The following MYT1L variants were observed in gnomAD, a reference collection of about 807,000 sequenced individuals.
MYT1L encodes the protein myelin transcription factor 1 like, also known as myelin transcription factor 1-like protein.
MYT1L carries 12 observed loss-of-function variants against 126.7 expected under a neutral mutation model. The ratio of observed to expected loss-of-function variants is 0.09; its 90% confidence interval spans 0.06 to 0.15. MYT1L has a LOEUF of 0.15. MYT1L is among the 10% of genes least tolerant of loss of function. The probability of loss-of-function intolerance (pLI) is 1.00; values close to 1 mark genes in which losing one functional copy is unlikely to be tolerated. For missense variants in MYT1L, 979 were observed against 1,585.2 expected, an observed-to-expected ratio of 0.62 and a Z score of 6.49; for synonymous variants, 541 against 604.2, an observed-to-expected ratio of 0.90 and a Z score of 1.53.
intron 3 of MYT1L, among the ~76,000 whole-genome samples, chr2:2,098,529 G>T (rs942072188): frequency 1.3e-5 from 2 of 152,268 alleles, no homozygotes; most frequent in African/African-American, 4.8e-5. Flanking sequence ...AGAGGATTTG[G>T]CAATGTCTGG....
chr2:1,892,424 C>G (rs2049013025), intron 14 of MYT1L, 137 bp from the exon 15 acceptor site: 2 of 1,196,650 alleles, frequency 1.7e-6, no homozygotes, highest in Admixed American at 3.1e-5. Context: ...GGGGCTTACG[C>G]GTAAAGAAAA....
At chr2:1,933,970 T>A (rs997886532) in intron 9 of MYT1L, among the ~76,000 whole-genome samples, 1 of 127,040 alleles carries the variant, frequency 7.9e-6, no homozygotes, top group Non-Finnish European at 1.7e-5. Flanking sequence ...CTAATTTTGA[T>A]TTTTTTTTTT....
At chr2:2,151,636 A>C (rs2085802506) in intron 3 of MYT1L, among the ~76,000 whole-genome samples, 1 of 152,238 alleles carries the variant, frequency 6.6e-6, no homozygotes, top group African/African-American at 2.4e-5. Flanking sequence ...AAAATCTCGG[A>C]TAGTACCACA....
intron 4 of MYT1L, among the ~76,000 whole-genome samples, chr2:2,015,756 C>T (rs976797143): frequency 6.6e-5 from 10 of 152,172 alleles, no homozygotes; most frequent in Non-Finnish European, 1.2e-4. Context: ...CACTCTGCCC[C>T]GGGTTCCAGG....
chr2:2,215,556 G>A (rs1011173428), intron 2 of MYT1L, among the ~76,000 whole-genome samples: 1 of 152,146 alleles, frequency 6.6e-6, no homozygotes, highest in African/African-American at 2.4e-5. Context: ...GCACTACAAG[G>A]ATAAATAGAC....
At position 2,201,710 on chromosome 2, in the gene MYT1L, A is replaced by C. The variant is rs1219379670; in HGVS notation, c.-420-28722T>G. Among the ~76,000 whole-genome samples, 15 of 152,182 alleles carry C rather than the reference A, an allele frequency of 9.9e-5. 2 individuals carry two copies. The highest frequency in any genetic ancestry group is 3.4e-4 in the African/African-American group (14 of 41,512). On this transcript the variant is annotated intron_variant, in intron 2 of 24. Coordinates refer to ENST00000647738, the MANE Select transcript of MYT1L (RefSeq NM_001303052.2). Reference sequence around the variant, plus strand: ...GAGACTCTGCCTCAAAAAAAAAAAAAAATCGTAAGTGTTTTAAAGTTTAAC... The same window carrying C: ...GAGACTCTGCCTCAAAAAAAAAAAACAATCGTAAGTGTTTTAAAGTTTAAC...
chr2:2,034,020 G>T (rs72767351), intron 4 of MYT1L, among the ~76,000 whole-genome samples: 6,395 of 152,238 alleles, frequency 0.042, 200 homozygotes, highest in Non-Finnish European at 0.065. Flanking sequence ...ACATGCCAGG[G>T]TGGGAGTTAG....
At chr2:1,908,420 C>T (rs1290974230) in intron 13 of MYT1L, among the ~76,000 whole-genome samples, 4 of 151,610 alleles carry the variant, frequency 2.6e-5, no homozygotes, top group Non-Finnish European at 4.4e-5. Flanking sequence ...CAAAGGTGGG[C>T]AGTTGTAGGT....
chr2:2,013,840 A>T (rs528236468), intron 4 of MYT1L, among the ~76,000 whole-genome samples: 1 of 152,346 alleles, frequency 6.6e-6, no homozygotes, highest in East Asian at 1.9e-4. Flanking sequence ...ATGCATTCAC[A>T]TGCTGCTGCA....
intron 21 of MYT1L, among the ~76,000 whole-genome samples, chr2:1,831,029 G>A (rs4552216): frequency 0.49 from 73,960 of 152,074 alleles, 19,144 homozygotes; most frequent in Middle Eastern, 0.67. Context: ...TGGCCAACAC[G>A]TGGTCTCCAA....
intron 3 of MYT1L, among the ~76,000 whole-genome samples, chr2:2,102,335 CA>C (rs1321914348): frequency 6.6e-6 from 1 of 152,176 alleles, no homozygotes; most frequent in Non-Finnish European, 1.5e-5. Flanking sequence ...ACTAATGGAA[CA>C]TAGGTAAATT....
chr2:2,235,523 C>T (rs1363320881), intron 2 of MYT1L, among the ~76,000 whole-genome samples: 1 of 152,194 alleles, frequency 6.6e-6, no homozygotes, highest in East Asian at 1.9e-4. Flanking sequence ...GCTCCTGGGT[C>T]TCTTACCTCC....
intron 21 of MYT1L, among the ~76,000 whole-genome samples, chr2:1,813,478 G>A (rs2037035127): frequency 6.6e-6 from 1 of 152,138 alleles, no homozygotes; most frequent in African/African-American, 2.4e-5. Flanking sequence ...TAGAGCAGGG[G>A]TCCCCAAACT....
At chr2:1,807,602 T>C (rs2035918908) in intron 22 of MYT1L, among the ~76,000 whole-genome samples, 1 of 152,088 alleles carries the variant, frequency 6.6e-6, no homozygotes, top group Non-Finnish European at 1.5e-5. Context: ...TAGGGGTGCA[T>C]CTTGCAAGTG....
At chr2:2,009,697 AT>A (rs2063636986) in intron 4 of MYT1L, among the ~76,000 whole-genome samples, 1 of 152,034 alleles carries the variant, frequency 6.6e-6, no homozygotes, top group African/African-American at 2.4e-5. Flanking sequence ...TGTTTATCTT[AT>A]TTCATTTCTT....
At chr2:1,967,508 C>G (rs548491695) in intron 8 of MYT1L, among the ~76,000 whole-genome samples, 1 of 152,208 alleles carries the variant, frequency 6.6e-6, no homozygotes, top group Non-Finnish European at 1.5e-5. Context: ...ACATCCTCCC[C>G]CTTTCCTCCT....
At chr2:1,859,225 C>G (rs1231160198) in intron 18 of MYT1L, among the ~76,000 whole-genome samples, 2 of 152,096 alleles carry the variant, frequency 1.3e-5, no homozygotes, top group Non-Finnish European at 2.9e-5. Flanking sequence ...AGTAGACTTG[C>G]CTATATTTGT....
intron 8 of MYT1L, among the ~76,000 whole-genome samples, chr2:1,969,344 G>A (rs1272637413): frequency 6.6e-6 from 1 of 152,228 alleles, no homozygotes; most frequent in Non-Finnish European, 1.5e-5. Context: ...CTGTGTGTGA[G>A]TTGCTCACCC....
At chr2:2,103,802 G>A (rs2078407917) in intron 3 of MYT1L, among the ~76,000 whole-genome samples, 1 of 152,234 alleles carries the variant, frequency 6.6e-6, no homozygotes, top group Admixed American at 6.5e-5. Flanking sequence ...GTGACAAGCA[G>A]GTGTTGTCAT....
Sources: allele counts gnomAD v4.1 joint callset (sites outside exome capture counted in the v4.1 genomes callset), GRCh38; gene constraint gnomAD v4.1.1; transcripts MANE v1.5; gene names NCBI Gene and HGNC (gene_info 2026-07-23, HGNC 2026-07-21).